The following SV2C variants were observed in gnomAD, a reference collection of about 807,000 sequenced individuals.
SV2C encodes synaptic vesicle glycoprotein 2C, also known as solute carrier family 22 member B3.
Under a neutral mutation model 79.7 loss-of-function variants are expected in SV2C, and 49 were observed. The ratio of observed to expected loss-of-function variants is 0.61; its 90% confidence interval spans 0.49 to 0.78. SV2C has a LOEUF of 0.78. Ranked by LOEUF, SV2C falls within the 30% of genes least tolerant of loss-of-function variation. SV2C has a pLI of 0.00. For missense variants in SV2C, 833 were observed against 912.9 expected (o/e 0.91, Z 1.13); for synonymous variants, 334 against 333.2 (o/e 1.00, Z -0.03).
chr5:75,982,177 A>C, the SV2C span, among the ~76,000 whole-genome samples: 313 of 151,816 alleles, frequency 2.1e-3, 3 homozygotes, highest in African/African-American at 7.3e-3. Flanking sequence ...ACATGTATGC[A>C]TATGTAACTA....
chr5:76,006,045 C>T, the SV2C span, among the ~76,000 whole-genome samples: 3 of 152,176 alleles, frequency 2.0e-5, no homozygotes, highest in African/African-American at 4.8e-5. Flanking sequence ...TCCTCAACCA[C>T]GGAAGCAGTT....
the SV2C span, among the ~76,000 whole-genome samples, chr5:75,858,088 C>T: frequency 1.3e-5 from 2 of 152,056 alleles, no homozygotes; most frequent in Non-Finnish European, 2.9e-5. Flanking sequence ...ACGTGGATAC[C>T]CTTTATTTCT....
intron 12 of SV2C, among the ~76,000 whole-genome samples, chr5:76,324,959 G>A (rs894305948): frequency 1.3e-5 from 2 of 152,122 alleles, no homozygotes; most frequent in African/African-American, 4.8e-5. Context: ...GGAGTTTGAG[G>A]CTGCAGTGAA....
rs890088513 is a variant in SV2C, at chr5:76,330,509, T to C, written c.*4962T>C. 2 of 151,770 alleles carry C rather than the reference T, an allele frequency of 1.3e-5. No homozygotes were observed. The highest frequency in any genetic ancestry group is 6.6e-5 in the Admixed American group (1 of 15,238). The allele number at this position is 151,770 out of a possible 1,614,324, so 9.4% of individuals were successfully genotyped here. On this transcript the variant is annotated 3_prime_UTR_variant, in exon 13 of 13. Transcript: ENST00000502798. Reference sequence around the variant, plus strand: ...TTAAATGAGGGCAAGGAAAACAGAATGAGAGAAGACACTCTCACACTGACC... The same window carrying C: ...TTAAATGAGGGCAAGGAAAACAGAACGAGAGAAGACACTCTCACACTGACC...
At chr5:75,982,889 C>T in the SV2C span, among the ~76,000 whole-genome samples, 1 of 152,180 alleles carries the variant, frequency 6.6e-6, no homozygotes, top group Admixed American at 6.5e-5. Flanking sequence ...CGCATGTTCT[C>T]ACTTATAAGT....
intron 4 of SV2C, among the ~76,000 whole-genome samples, chr5:76,235,722 GT>G (rs1745589565): frequency 6.6e-6 from 1 of 152,064 alleles, no homozygotes; most frequent in South Asian, 2.1e-4. Flanking sequence ...TAAAACATCT[GT>G]GGACTCATTT....
chr5:76,018,764 C>A, the SV2C span, among the ~76,000 whole-genome samples: 3 of 152,178 alleles, frequency 2.0e-5, no homozygotes, highest in African/African-American at 7.2e-5. Flanking sequence ...TAGACAAGAA[C>A]TCCACGTATT....
At chr5:75,903,509 C>T in the SV2C span, among the ~76,000 whole-genome samples, 2 of 152,108 alleles carry the variant, frequency 1.3e-5, no homozygotes, top group African/African-American at 4.8e-5. Context: ...TTCTCCCAGC[C>T]ATCCCGAACT....
chr5:75,851,693 T>C, the SV2C span, among the ~76,000 whole-genome samples: 1 of 151,890 alleles, frequency 6.6e-6, no homozygotes, highest in South Asian at 2.1e-4. Flanking sequence ...CAGGCTGGAG[T>C]GCAGTGGCGC....
intron 12 of SV2C, among the ~76,000 whole-genome samples, chr5:76,352,771 C>T (rs979009247): frequency 8.5e-5 from 13 of 152,132 alleles, no homozygotes; most frequent in African/African-American, 2.9e-4. Flanking sequence ...TGCATCGGTA[C>T]ATTTTCCACA....
Position 76,089,397 on chromosome 5 carries a change from A to T in SV2C, c.-102+5885A>T, listed in dbSNP as rs374624065. Among the ~76,000 whole-genome samples the T allele has an allele frequency of 4.6e-5, 7 of 152,300 alleles. No individual in the cohort carries two copies. The East Asian group carries it at 1.3e-3, about 29-fold the overall frequency. On this transcript the variant is annotated intron_variant, in intron 1 of 12. Coordinates refer to ENST00000502798, the MANE Select transcript of SV2C (RefSeq NM_014979.4). ...GGCTGCATAGTATTCCATGGTGTAT[A>T]TGTACCACATTTTCTATATCCACCT...
At chr5:76,136,840 T>TA (rs1749086919) in intron 2 of SV2C, among the ~76,000 whole-genome samples, 2 of 152,206 alleles carry the variant, frequency 1.3e-5, no homozygotes, top group Non-Finnish European at 2.9e-5. Context: ...GGTAGGCAAT[T>TA]ATGTGAACTT....
the SV2C span, among the ~76,000 whole-genome samples, chr5:76,023,288 T>C: frequency 6.6e-6 from 1 of 152,082 alleles, no homozygotes; most frequent in Non-Finnish European, 1.5e-5. Context: ...AATAAAGTAG[T>C]CAAGAGAGAC....
chr5:76,031,199 C>A, the SV2C span, among the ~76,000 whole-genome samples: 2 of 152,214 alleles, frequency 1.3e-5, no homozygotes, highest in Non-Finnish European at 2.9e-5. Context: ...AACTGATCAT[C>A]ATTTGGTCCC....
chr5:75,852,583 T>G, the SV2C span, among the ~76,000 whole-genome samples: 1 of 151,948 alleles, frequency 6.6e-6, no homozygotes, highest in Non-Finnish European at 1.5e-5. Context: ...AAAGGCAAAA[T>G]GAAGACATTT....
intron 4 of SV2C, among the ~76,000 whole-genome samples, chr5:76,218,006 A>G (rs1246291095): frequency 6.6e-6 from 1 of 152,196 alleles, no homozygotes; most frequent in Admixed American, 6.5e-5. Flanking sequence ...TGCGGGTTAT[A>G]TGGGCAGCAC....
chr5:76,045,203 G>T, the SV2C span, among the ~76,000 whole-genome samples: 1 of 152,148 alleles, frequency 6.6e-6, no homozygotes, highest in Non-Finnish European at 1.5e-5. Context: ...CGTCAGGTTT[G>T]TCGAAGATCA....
At chr5:75,941,387 A>G in the SV2C span, among the ~76,000 whole-genome samples, 1 of 152,204 alleles carries the variant, frequency 6.6e-6, no homozygotes, top group African/African-American at 2.4e-5. Context: ...TTCTATAGCC[A>G]ATATCTACAT....
chr5:76,237,975 C>CAA, intron 4 of SV2C, among the ~76,000 whole-genome samples: 1 of 140,506 alleles, frequency 7.1e-6, no homozygotes, highest in South Asian at 2.2e-4. Flanking sequence ...GACTAACACA[C>CAA]ACACACACAC....
Sources: allele counts gnomAD v4.1 joint callset (sites outside exome capture counted in the v4.1 genomes callset), GRCh38; gene constraint gnomAD v4.1.1; transcripts MANE v1.5; gene names NCBI Gene and HGNC (gene_info 2026-07-23, HGNC 2026-07-21).